The following BCLAF3 variants were observed in gnomAD, a reference collection of about 807,000 sequenced individuals.
The protein encoded by BCLAF3 is BCLAF1 and THRAP3 family member 3, also known as transient octamer binding factor 1.
In BCLAF3, 24 loss-of-function variants were observed where a neutral mutation model predicts 51.2. That is an observed-to-expected ratio of 0.47 (90% CI 0.34 to 0.66). The LOEUF is 0.66. Among genes scored for constraint, BCLAF3 ranks in the 30% least tolerant of loss-of-function variants. BCLAF3 has a pLI of 0.01. For missense variants in BCLAF3, 465 were observed against 525.1 expected, an observed-to-expected ratio of 0.89 and a Z score of 1.12; for synonymous variants, 152 against 176.6, an observed-to-expected ratio of 0.86 and a Z score of 1.10.
At chrX:19,987,541 G>C (rs180877467) in intron 1 of BCLAF3, among the ~76,000 whole-genome samples, 1 of 112,275 alleles carries the variant, frequency 8.9e-6, no homozygotes, top group Non-Finnish European at 1.9e-5. Context: ...CTGACCTCAG[G>C]TGATCCGTCC....
intron 2 of BCLAF3, among the ~76,000 whole-genome samples, chrX:19,969,220 G>A (rs989423256): frequency 8.9e-6 from 1 of 112,720 alleles, no homozygotes; most frequent in African/African-American, 3.2e-5. Flanking sequence ...CCTTGCCATT[G>A]CAAGTGGCTC....
In BCLAF3 at chrX:19,912,977, A is replaced by G. The variant is rs765104473; in HGVS notation, c.*4328T>C. On this transcript the variant is annotated 3_prime_UTR_variant, in exon 12 of 12. Coordinates refer to ENST00000379682, the MANE Select transcript of BCLAF3 (RefSeq NM_001367774.2). Reference sequence around the variant, plus strand: ...ATTTAAAAAAATCAACAGTGTTAACAGTGGGTGGGTATGTTTCCAGACCTC... The same window carrying G: ...ATTTAAAAAAATCAACAGTGTTAACGGTGGGTGGGTATGTTTCCAGACCTC... 4.4e-5 allele frequency: 5 copies of G among 112,552 alleles called. No individual in the cohort carries two copies. The highest frequency in any genetic ancestry group is 1.6e-4 in the African/African-American group (5 of 31,025). The allele number at this position is 112,552 out of a possible 1,213,427, so 9.3% of individuals were successfully genotyped here.
At chrX:19,970,378 A>C in intron 1 of BCLAF3, 80 bp from the exon 2 acceptor site, 1 of 871,250 alleles carries the variant, frequency 1.1e-6, no homozygotes, top group Non-Finnish European at 1.7e-6. Flanking sequence ...CTGCCAATTG[A>C]CTTAAACCCT....
At chrX:19,937,792 T>A (rs1780422770) in intron 8 of BCLAF3, among the ~76,000 whole-genome samples, 1 of 111,863 alleles carries the variant, frequency 8.9e-6, no homozygotes, top group African/African-American at 3.3e-5. Context: ...CAATCTGGGG[T>A]CTAAGGACAG....
intron 1 of BCLAF3, among the ~76,000 whole-genome samples, chrX:19,986,877 C>T (rs965114454): frequency 6.6e-5 from 7 of 106,254 alleles, no homozygotes; most frequent in Non-Finnish European, 1.2e-4. Flanking sequence ...AATCATAGCT[C>T]ACTGCAGCCT....
intron 1 of BCLAF3, among the ~76,000 whole-genome samples, chrX:19,975,946 G>A (rs762029817): frequency 8.9e-6 from 1 of 111,948 alleles, no homozygotes; most frequent in South Asian, 3.7e-4. Flanking sequence ...TGACCCTTAA[G>A]AGTGAACCCA....
chrX:19,984,735 G>C (rs1934804752), intron 1 of BCLAF3, among the ~76,000 whole-genome samples: 1 of 109,833 alleles, frequency 9.1e-6, no homozygotes, highest in African/African-American at 3.3e-5. Context: ...GCCCAGGCTG[G>C]AGTGCAATGG....
At chrX:19,923,844 T>A (rs1213860452) in intron 11 of BCLAF3, among the ~76,000 whole-genome samples, 1 of 89,523 alleles carries the variant, frequency 1.1e-5, no homozygotes, top group Non-Finnish European at 1.9e-5. Context: ...TTTATTTATT[T>A]ATTTTTTTTT....
chrX:19,937,361 T>G (rs1252794059), intron 9 of BCLAF3, 57 bp downstream of exon 9: 7 of 586,212 alleles, frequency 1.2e-5, no homozygotes, highest in Non-Finnish European at 2.1e-5. Context: ...CTGCACATTT[T>G]GATGTATTGG....
chrX:19,983,799 T>C (rs1253850551), intron 1 of BCLAF3, among the ~76,000 whole-genome samples: 1 of 109,847 alleles, frequency 9.1e-6, no homozygotes, highest in Non-Finnish European at 1.9e-5. Context: ...CTGGGCAAGG[T>C]GGCTTATGCT....
intron 9 of BCLAF3, 53 bp downstream of exon 9, chrX:19,937,365 G>A (rs1197324851): frequency 1.7e-6 from 1 of 594,250 alleles, no homozygotes; most frequent in Non-Finnish European, 2.9e-6. Context: ...ACATTTTGAT[G>A]TATTGGAGAA....
chrX:19,984,631 T>C (rs2072734946), intron 1 of BCLAF3, among the ~76,000 whole-genome samples: 1 of 111,978 alleles, frequency 8.9e-6, no homozygotes, highest in South Asian at 3.7e-4. Flanking sequence ...CTCTTCCATG[T>C]AGAAATTTAA....
chrX:19,953,033 CAA>C lies in BCLAF3; in HGVS notation c.1582_1583del (p.Leu528GlyfsTer6). On this transcript the variant is annotated frameshift_variant, in exon 7 of 12. Coordinates refer to ENST00000379682, the MANE Select transcript of BCLAF3 (RefSeq NM_001367774.2). LOFTEE classifies it high-confidence loss of function. The part of the protein sequence containing the change: ...PEIHRRIDMS[L>X]AELQSKQAVI... ...CAGCTTGTTTACTCTGAAGCTCGGC[CAA>C]AGACATATCTATTCTCCTAAAATAA... 1 of 1,205,030 alleles carries C rather than the reference CAA, an allele frequency of 8.3e-7. No individual in the cohort carries two copies. Among genetic ancestry groups the C allele is most frequent in the Non-Finnish European group, 1.1e-6 (1 of 890,332 alleles).
chrX:19,983,095 T>C (rs1184662556), intron 1 of BCLAF3, among the ~76,000 whole-genome samples: 1 of 105,986 alleles, frequency 9.4e-6, no homozygotes, highest in African/African-American at 3.4e-5. Flanking sequence ...GCTGGTACTA[T>C]AGGTGTGCAG....
At chrX:19,935,254 G>A (rs2070716056) in intron 10 of BCLAF3, 1 of 111,357 alleles carries the variant, frequency 9.0e-6, no homozygotes, top group South Asian at 3.7e-4. Context: ...GGGATGAGGT[G>A]TTCTGGATAA....
intron 4 of BCLAF3, among the ~76,000 whole-genome samples, chrX:19,963,693 G>A (rs1006896538): frequency 9.0e-6 from 1 of 111,263 alleles, no homozygotes; most frequent in African/African-American, 3.3e-5. Context: ...GAACTATGAG[G>A]TGGGGTGTTG....
At chrX:19,925,297 A>T (rs2070322081) in intron 11 of BCLAF3, among the ~76,000 whole-genome samples, 2 of 111,217 alleles carry the variant, frequency 1.8e-5, no homozygotes, top group Admixed American at 9.6e-5. Context: ...ACTGTACTAC[A>T]GATGAGGAAA....
At chrX:19,973,169 G>C (rs1471012656) in intron 1 of BCLAF3, among the ~76,000 whole-genome samples, 1 of 111,611 alleles carries the variant, frequency 9.0e-6, no homozygotes, top group Non-Finnish European at 1.9e-5. Flanking sequence ...CCATCCTAGT[G>C]GGTATGAAGT....
intron 1 of BCLAF3, 79 bp from the exon 2 acceptor site, chrX:19,970,377 G>T: frequency 2.3e-6 from 2 of 875,218 alleles, no homozygotes; most frequent in South Asian, 2.2e-5. Flanking sequence ...GCTGCCAATT[G>T]ACTTAAACCC....
Sources: allele counts gnomAD v4.1 joint callset (sites outside exome capture counted in the v4.1 genomes callset), GRCh38; gene constraint gnomAD v4.1.1; transcripts MANE v1.5; gene names NCBI Gene and HGNC (gene_info 2026-07-23, HGNC 2026-07-21).